The following CSMD1 variants were observed in gnomAD, a reference collection of about 807,000 sequenced individuals.
CSMD1 encodes the protein CUB and Sushi multiple domains 1.
A neutral mutation model predicts 417.5 loss-of-function variants in CSMD1; 213 were observed. The observed-to-expected ratio is 0.51, with a 90% confidence interval of 0.46 to 0.57. The LOEUF (loss-of-function observed/expected upper bound fraction) is 0.57. Among genes scored for constraint, CSMD1 ranks in the 20% least tolerant of loss-of-function variants. CSMD1 has a pLI of 0.00. For missense variants in CSMD1, 6,923 were observed against 4,529.7 expected (o/e 1.53, Z -15.17); for synonymous variants, 2,862 against 1,736.8 (o/e 1.65, Z -16.11).
At chr8:4,388,762 C>G (rs560513280) in intron 3 of CSMD1, among the ~76,000 whole-genome samples, 1 of 152,088 alleles carries the variant, frequency 6.6e-6, no homozygotes, top group Non-Finnish European at 1.5e-5. Context: ...TAAAATAAAA[C>G]CTGTCTTTCT....
At chr8:4,948,006 A>G (rs56898770) in intron 1 of CSMD1, among the ~76,000 whole-genome samples, 10,652 of 152,072 alleles carry the variant, frequency 0.07, 468 homozygotes, top group South Asian at 0.18. Flanking sequence ...ACTTTCTTCC[A>G]CATGTCAGCT....
intron 1 of CSMD1, among the ~76,000 whole-genome samples, chr8:4,670,159 C>G (rs1259485165): frequency 1.3e-5 from 2 of 152,154 alleles, no homozygotes; most frequent in African/African-American, 4.8e-5. Context: ...ATCTCCTACA[C>G]TCACATTAAT....
chr8:4,479,409 T>C (rs79682831), intron 2 of CSMD1, among the ~76,000 whole-genome samples: 295 of 149,014 alleles, frequency 2.0e-3, no homozygotes, highest in Middle Eastern at 0.011. Flanking sequence ...TTCACTTCAG[T>C]AATTAAGAAA....
intron 3 of CSMD1, among the ~76,000 whole-genome samples, chr8:4,115,117 A>G (rs1043583122): frequency 6.6e-6 from 1 of 152,178 alleles, no homozygotes; most frequent in Non-Finnish European, 1.5e-5. Flanking sequence ...ATCTTTCATG[A>G]AAAAAAGTCC....
intron 27 of CSMD1, among the ~76,000 whole-genome samples, chr8:3,227,882 C>G (rs547637152): frequency 6.6e-6 from 1 of 152,030 alleles, no homozygotes; most frequent in South Asian, 2.1e-4. Context: ...ATTCTCGTGC[C>G]TCAGCCTCCC....
At chr8:4,023,011 C>G (rs1019720730) in intron 4 of CSMD1, among the ~76,000 whole-genome samples, 1 of 152,176 alleles carries the variant, frequency 6.6e-6, no homozygotes, top group Non-Finnish European at 1.5e-5. Flanking sequence ...TTTACCAAAT[C>G]CGTGTTTTTC....
intron 30 of CSMD1, among the ~76,000 whole-genome samples, chr8:3,206,371 G>A: frequency 7.5e-6 from 1 of 132,622 alleles, no homozygotes; most frequent in African/African-American, 2.9e-5. Context: ...TGTATTGGGG[G>A]TATGTCTGTG....
intron 50 of CSMD1, among the ~76,000 whole-genome samples, chr8:3,047,920 T>C (rs1343682970): frequency 6.6e-6 from 1 of 152,192 alleles, no homozygotes; most frequent in Non-Finnish European, 1.5e-5. Context: ...CGTGAAGGCA[T>C]TCTGTTCTGG....
At chr8:4,169,862 G>C (rs902180468) in intron 3 of CSMD1, among the ~76,000 whole-genome samples, 1 of 149,668 alleles carries the variant, frequency 6.7e-6, no homozygotes, top group Non-Finnish European at 1.5e-5. Flanking sequence ...TCATCATTTA[G>C]GATACTGTGT....
In CSMD1 at chr8:3,005,215, G is replaced by C. The variant is rs1227461920; in HGVS notation, c.8030-5084C>G. Among the ~76,000 whole-genome samples the C allele has an allele frequency of 3.9e-5, 6 of 152,156 alleles. No individual in the cohort carries two copies. The East Asian group carries it at 1.2e-3, about 29-fold the overall frequency. The stretch of plus-strand genomic sequence containing the variant: ...AGGTGTTATACGTATGGACTGTGCA[G>C]TACCCTGGGTGGGACCCAGGAATTT... On this transcript the variant is annotated intron_variant, in intron 52 of 69. Coordinates refer to ENST00000635120, the MANE Select transcript of CSMD1 (RefSeq NM_033225.6).
chr8:3,492,160 G>GGC (rs1473343765), intron 11 of CSMD1, among the ~76,000 whole-genome samples: 1 of 152,128 alleles, frequency 6.6e-6, no homozygotes, highest in African/African-American at 2.4e-5. Context: ...GAAACGGGTG[G>GGC]GCGTGGGTTT....
intron 5 of CSMD1, among the ~76,000 whole-genome samples, chr8:3,993,014 C>T (rs1429930542): frequency 6.6e-6 from 1 of 152,224 alleles, no homozygotes; most frequent in Non-Finnish European, 1.5e-5. Flanking sequence ...AAACCAAATG[C>T]TCTGTGGGTC....
chr8:3,888,692 G>A (rs972071444), intron 5 of CSMD1, among the ~76,000 whole-genome samples: 1 of 152,068 alleles, frequency 6.6e-6, no homozygotes, highest in African/African-American at 2.4e-5. Context: ...GAGGCTGCCG[G>A]GACAGAGATG....
intron 26 of CSMD1, among the ~76,000 whole-genome samples, chr8:3,240,994 A>G (rs557409485): frequency 7.8e-4 from 117 of 150,634 alleles, no homozygotes; most frequent in East Asian, 9.8e-4. Context: ...ATTAGTTTTT[A>G]ATGAGATGAT....
At chr8:4,163,760 C>A (rs1459324529) in intron 3 of CSMD1, among the ~76,000 whole-genome samples, 3 of 152,060 alleles carry the variant, frequency 2.0e-5, no homozygotes, top group Admixed American at 6.6e-5. Context: ...GCTAAGCTTA[C>A]AATTTTGGAA....
intron 1 of CSMD1, among the ~76,000 whole-genome samples, chr8:4,784,577 C>A (rs891353809): frequency 1.6e-4 from 24 of 152,110 alleles, no homozygotes; most frequent in Non-Finnish European, 2.5e-4. Flanking sequence ...AATTTGTTTC[C>A]TTTATAATTA....
chr8:3,746,117 C>T (rs1367250094), intron 6 of CSMD1, among the ~76,000 whole-genome samples: 3 of 152,160 alleles, frequency 2.0e-5, no homozygotes, highest in Admixed American at 6.5e-5. Context: ...ATTTGGCCAA[C>T]GATATTGCCT....
intron 1 of CSMD1, among the ~76,000 whole-genome samples, chr8:4,749,899 T>A (rs1329989533): frequency 6.6e-6 from 1 of 152,096 alleles, no homozygotes; most frequent in East Asian, 1.9e-4. Flanking sequence ...CGGGTCTTGT[T>A]TTGTCTCTAG....
intron 41 of CSMD1, among the ~76,000 whole-genome samples, chr8:3,126,611 A>C (rs1341894408): frequency 3.3e-5 from 5 of 152,148 alleles, no homozygotes; most frequent in Non-Finnish European, 7.3e-5. Flanking sequence ...CCAATTTCCC[A>C]TATCTATCGG....
Sources: allele counts gnomAD v4.1 joint callset (sites outside exome capture counted in the v4.1 genomes callset), GRCh38; gene constraint gnomAD v4.1.1; transcripts MANE v1.5; gene names NCBI Gene and HGNC (gene_info 2026-07-23, HGNC 2026-07-21).